The following ERC2 variants were observed in gnomAD, a reference collection of about 807,000 sequenced individuals.
The protein encoded by ERC2 is ERC protein 2.
ERC2 carries 42 observed loss-of-function variants against 114.8 expected under a neutral mutation model. The ratio of observed to expected loss-of-function variants is 0.37; its 90% CI spans 0.29 to 0.47. ERC2 has a LOEUF of 0.47. ERC2 is among the 20% of genes least tolerant of loss of function. The pLI is 0.99. For missense variants in ERC2, 939 were observed against 1,150.7 expected (o/e 0.82, Z 2.66); for synonymous variants, 454 against 425.5 (o/e 1.07, Z -0.82).
chr3:55,884,765 A>G (rs561593529), intron 14 of ERC2, among the ~76,000 whole-genome samples: 2 of 152,228 alleles, frequency 1.3e-5, no homozygotes, highest in Non-Finnish European at 2.9e-5. Context: ...TTGCTTTCCA[A>G]TTCTAAAACT....
chr3:55,632,459 C>T (rs566192678), intron 17 of ERC2, among the ~76,000 whole-genome samples: 2 of 152,094 alleles, frequency 1.3e-5, no homozygotes, highest in African/African-American at 4.8e-5. Context: ...TCTGGGAAAC[C>T]AGGTGAGATG....
chr3:55,512,116 T>A (rs2052117643), intron 17 of ERC2, among the ~76,000 whole-genome samples: 1 of 152,196 alleles, frequency 6.6e-6, no homozygotes, highest in South Asian at 2.1e-4. Context: ...ACCTTGTATA[T>A]ATATCCTGAG....
At chr3:55,667,540 T>C (rs9826672) in intron 17 of ERC2, among the ~76,000 whole-genome samples, 97,225 of 151,514 alleles carry the variant, frequency 0.64, 31,282 homozygotes, top group Admixed American at 0.67. Flanking sequence ...ATCCTGAGAC[T>C]GCATGCTGCA....
At chr3:55,577,522 T>C (rs547012862) in intron 17 of ERC2, among the ~76,000 whole-genome samples, 34 of 152,278 alleles carry the variant, frequency 2.2e-4, no homozygotes, top group African/African-American at 6.5e-4. Flanking sequence ...GGGTGCTCCA[T>C]AAACACTGGA....
chr3:55,685,489 C>T (rs1455904834), intron 16 of ERC2, among the ~76,000 whole-genome samples: 1 of 152,168 alleles, frequency 6.6e-6, no homozygotes, highest in African/African-American at 2.4e-5. Flanking sequence ...TTTTTACATT[C>T]ATTTAACTTC....
chr3:56,186,114 T>TAAA (rs201544979), intron 3 of ERC2, among the ~76,000 whole-genome samples: 1,378 of 102,212 alleles, frequency 0.013, 107 homozygotes, highest in African/African-American at 0.017. Flanking sequence ...TCAAGAACCT[T>TAAA]AAAAAAAAAA....
At chr3:55,915,244 A>C (rs1379724) in intron 13 of ERC2, among the ~76,000 whole-genome samples, 87,222 of 151,952 alleles carry the variant, frequency 0.57, 26,226 homozygotes, top group Non-Finnish European at 0.64. Context: ...TTTTAAAATT[A>C]ATATAATTAT....
chr3:55,688,890 C>T (rs180905770), intron 16 of ERC2, among the ~76,000 whole-genome samples: 34 of 152,288 alleles, frequency 2.2e-4, no homozygotes, highest in Non-Finnish European at 3.1e-4. Flanking sequence ...GAGTTCCTTA[C>T]GATTGCCAAG....
intron 17 of ERC2, among the ~76,000 whole-genome samples, chr3:55,524,354 A>G (rs1377401766): frequency 6.6e-6 from 1 of 152,174 alleles, no homozygotes; most frequent in East Asian, 1.9e-4. Context: ...GAACAGTGGT[A>G]GAAGGAACCC....
intron 13 of ERC2, 97 bp downstream of exon 13, chr3:55,950,328 C>T (rs2067410693): frequency 6.8e-7 from 1 of 1,472,506 alleles, no homozygotes; most frequent in African/African-American, 1.4e-5. Flanking sequence ...AGGCAAAGTC[C>T]ACCATTTCTG....
intron 17 of ERC2, among the ~76,000 whole-genome samples, chr3:55,674,310 C>T (rs966734363): frequency 1.1e-4 from 16 of 152,072 alleles, no homozygotes; most frequent in South Asian, 4.1e-4. Flanking sequence ...AACCACTCTG[C>T]GCCAAAGATT....
intron 17 of ERC2, among the ~76,000 whole-genome samples, chr3:55,608,831 T>C (rs2058758179): frequency 1.3e-5 from 2 of 152,230 alleles, no homozygotes; most frequent in South Asian, 4.1e-4. Flanking sequence ...TTTCCCACAC[T>C]GACCTGAAAC....
At chr3:56,361,829 C>G (rs760460239) in intron 2 of ERC2, among the ~76,000 whole-genome samples, 2 of 152,128 alleles carry the variant, frequency 1.3e-5, no homozygotes, top group Non-Finnish European at 2.9e-5. Flanking sequence ...GTAAATCATA[C>G]ACAGGCATGG....
At chr3:56,289,871 T>G (rs1254136983) in intron 3 of ERC2, among the ~76,000 whole-genome samples, 4 of 152,178 alleles carry the variant, frequency 2.6e-5, no homozygotes, top group African/African-American at 9.6e-5. Flanking sequence ...CAGCTTCCAC[T>G]CTTGATTGCA....
chr3:55,720,120 C>T lies in ERC2; in HGVS notation c.2712+14651G>A, dbSNP rs1450135905. Among the ~76,000 whole-genome samples the T allele has an allele frequency of 6.8e-5, 3 of 43,966 alleles. 1 individual carries two copies. The highest frequency in any genetic ancestry group is 1.4e-4 in the Non-Finnish European group (3 of 21,432). 28.8% of individuals were successfully genotyped at this position (43,966 alleles called of 152,430 possible). A position where few individuals can be genotyped will look rare whatever the true frequency, so the allele number is the denominator to read the frequency against. On this transcript the variant is annotated intron_variant, in intron 15 of 17. Coordinates refer to ENST00000288221, the MANE Select transcript of ERC2 (RefSeq NM_015576.3). ...CTCCCATCCCCCTCCTCCTCCTCCTCCTTCTTCTTCCTCTTCTTCTTCCTC... is the reference window on the plus strand; with the variant it reads ...CTCCCATCCCCCTCCTCCTCCTCCTTCTTCTTCTTCCTCTTCTTCTTCCTC...
intron 4 of ERC2, among the ~76,000 whole-genome samples, chr3:56,158,815 T>TA (rs1310369792): frequency 6.6e-6 from 1 of 152,034 alleles, no homozygotes; most frequent in Admixed American, 6.6e-5. Context: ...CTTGTTTTTT[T>TA]TCAAAATAAT....
At chr3:55,591,883 A>G (rs571222430) in intron 17 of ERC2, among the ~76,000 whole-genome samples, 1 of 152,350 alleles carries the variant, frequency 6.6e-6, no homozygotes, top group South Asian at 2.1e-4. Context: ...CACAGCATAT[A>G]CATAGCAGAG....
intron 14 of ERC2, among the ~76,000 whole-genome samples, chr3:55,768,500 A>G (rs2067976014): frequency 1.3e-5 from 2 of 152,236 alleles, no homozygotes; most frequent in Admixed American, 1.3e-4. Context: ...ACAAGTAAAA[A>G]AATGAAACTT....
At chr3:55,522,193 C>CT (rs2053002189) in intron 17 of ERC2, among the ~76,000 whole-genome samples, 1 of 152,162 alleles carries the variant, frequency 6.6e-6, no homozygotes, top group Non-Finnish European at 1.5e-5. Context: ...ATAGTCTTCT[C>CT]TGGGGGGAGG....
Sources: gnomAD v4.1 joint callset for allele counts (sites outside exome capture counted in the v4.1 genomes callset) on GRCh38, gnomAD v4.1.1 for gene constraint, MANE v1.5 for transcripts, NCBI Gene and HGNC (gene_info 2026-07-23, HGNC 2026-07-21) for gene names.